The following TNIK variants were observed in gnomAD, a reference collection of about 807,000 sequenced individuals.
The protein encoded by TNIK is TRAF2 and NCK-interacting protein kinase.
In TNIK, 49 loss-of-function variants were observed where a neutral mutation model predicts 191.3. The observed-to-expected ratio is 0.26, with a 90% CI of 0.20 to 0.32. TNIK has a LOEUF of 0.32. Ranked by LOEUF, TNIK falls within the 10% of genes least tolerant of loss-of-function variation. The pLI, the probability that TNIK is intolerant of heterozygous loss-of-function variation, is 1.00. For missense variants in TNIK, 1,155 were observed against 1,702.3 expected (o/e 0.68, Z 5.66); for synonymous variants, 594 against 600.9 (o/e 0.99, Z 0.17).
chr3:171,340,108 T>G (rs986853721), intron 2 of TNIK, among the ~76,000 whole-genome samples: 1 of 152,178 alleles, frequency 6.6e-6, no homozygotes, highest in African/African-American at 2.4e-5. Context: ...ATAAAGAATA[T>G]TTGATGACAT....
chr3:171,299,539 TATG>T (rs1752677277), intron 2 of TNIK, among the ~76,000 whole-genome samples: 1 of 152,216 alleles, frequency 6.6e-6, no homozygotes, highest in African/African-American at 2.4e-5. Flanking sequence ...AGGTGACTTT[TATG>T]ATAACTATTT....
chr3:171,168,906 G>A (rs1011951119), intron 9 of TNIK, among the ~76,000 whole-genome samples: 4 of 152,194 alleles, frequency 2.6e-5, no homozygotes, highest in African/African-American at 9.7e-5. Flanking sequence ...CTGCAATATG[G>A]CCACCTTCAA....
chr3:171,251,858 C>T (rs1002725888), intron 2 of TNIK, among the ~76,000 whole-genome samples: 3 of 151,862 alleles, frequency 2.0e-5, no homozygotes, highest in African/African-American at 7.3e-5. Context: ...TCATTCTAAA[C>T]GGGTAAGGAA....
intron 2 of TNIK, among the ~76,000 whole-genome samples, chr3:171,276,065 T>A (rs1408439582): frequency 6.6e-6 from 1 of 152,078 alleles, no homozygotes; most frequent in African/African-American, 2.4e-5. Flanking sequence ...TCCCCTCCAC[T>A]CCATTCTCAA....
rs555668345 is a variant in TNIK, at chr3:171,126,978, A to G, written c.1774-827T>C. ...TGCCATAGCACTGCTCACACCTCAT[A>G]GTTAGTGCTTATCTAAGCGTGTCTC... is the stretch of plus-strand genomic sequence containing the variant. On this transcript the variant is annotated intron_variant, in intron 16 of 32. Coordinates refer to ENST00000436636, the MANE Select transcript of TNIK (RefSeq NM_015028.4). Among the ~76,000 whole-genome samples, 3 of 152,318 alleles carry G rather than the reference A, an allele frequency of 2.0e-5. No homozygotes were observed. The East Asian group carries it at 5.8e-4, about 29-fold the overall frequency.
chr3:171,459,391 G>A (rs1729161579), intron 1 of TNIK, among the ~76,000 whole-genome samples: 1 of 152,240 alleles, frequency 6.6e-6, no homozygotes, highest in Non-Finnish European at 1.5e-5. Flanking sequence ...CATAAATAAA[G>A]GTGAGTGGCA....
intron 4 of TNIK, 35 bp from the exon 5 acceptor site, chr3:171,194,670 G>C (rs1476369202): frequency 1.9e-6 from 3 of 1,588,262 alleles, no homozygotes; most frequent in African/African-American, 1.3e-5. Flanking sequence ...TTATTTTAAT[G>C]ATGCTTCACT....
At chr3:171,066,466 GA>G (rs1161891399) in intron 31 of TNIK, 109 bp downstream of exon 31, 1 of 1,149,036 alleles carries the variant, frequency 8.7e-7, no homozygotes, top group Non-Finnish European at 1.3e-6. Flanking sequence ...GTTATTCACA[GA>G]TTTTTTTTTT....
At chr3:171,351,902 C>T (rs898158223) in intron 2 of TNIK, among the ~76,000 whole-genome samples, 9 of 152,216 alleles carry the variant, frequency 5.9e-5, no homozygotes, top group Non-Finnish European at 1.0e-4. Flanking sequence ...TTCAGGCACC[C>T]TGCCCATCCT....
intron 1 of TNIK, among the ~76,000 whole-genome samples, chr3:171,413,862 G>A (rs1056088558): frequency 5.3e-5 from 8 of 152,100 alleles, no homozygotes. Context: ...TCTCCAAATC[G>A]TAGTTCCTTC....
At chr3:171,357,818 T>A (rs983116260) in intron 2 of TNIK, among the ~76,000 whole-genome samples, 1 of 152,166 alleles carries the variant, frequency 6.6e-6, no homozygotes, top group African/African-American at 2.4e-5. Flanking sequence ...ACAGACACCG[T>A]GTGCAGTGTG....
At chr3:171,284,386 A>C (rs898038535) in intron 2 of TNIK, among the ~76,000 whole-genome samples, 3 of 152,170 alleles carry the variant, frequency 2.0e-5, no homozygotes, top group African/African-American at 7.2e-5. Context: ...GCATTTTAAA[A>C]TGAGAAATCT....
intron 15 of TNIK, among the ~76,000 whole-genome samples, chr3:171,136,951 G>A (rs1305202701): frequency 6.6e-6 from 1 of 152,048 alleles, no homozygotes; most frequent in East Asian, 1.9e-4. Flanking sequence ...ACAGATGTAA[G>A]GGAAAGTGAT....
intron 27 of TNIK, among the ~76,000 whole-genome samples, chr3:171,080,691 G>A (rs1334670910): frequency 6.6e-6 from 1 of 151,876 alleles, no homozygotes; most frequent in East Asian, 1.9e-4. Flanking sequence ...CGCCCGCCTC[G>A]GCCTCTCCCA....
At chr3:171,117,345 T>C (rs539069002) in intron 18 of TNIK, among the ~76,000 whole-genome samples, 1 of 152,288 alleles carries the variant, frequency 6.6e-6, no homozygotes, top group South Asian at 2.1e-4. Context: ...AATGTAGACT[T>C]TGGTGCAAGG....
intron 1 of TNIK, among the ~76,000 whole-genome samples, chr3:171,431,616 A>G (rs1383704623): frequency 6.6e-6 from 1 of 152,120 alleles, no homozygotes; most frequent in East Asian, 1.9e-4. Flanking sequence ...TAGTACAGTA[A>G]CTTACTTCTC....
At chr3:171,098,208 A>AATACC (rs1164546966) in intron 22 of TNIK, among the ~76,000 whole-genome samples, 5 of 152,196 alleles carry the variant, frequency 3.3e-5, no homozygotes, top group Admixed American at 1.3e-4. Context: ...GGAAGACACT[A>AATACC]ATACCTAAGG....
intron 2 of TNIK, among the ~76,000 whole-genome samples, chr3:171,261,570 G>T (rs994200639): frequency 3.3e-5 from 5 of 152,178 alleles, no homozygotes; most frequent in African/African-American, 9.6e-5. Flanking sequence ...TATCATTTTT[G>T]ATAAAATCAA....
intron 18 of TNIK, among the ~76,000 whole-genome samples, chr3:171,120,476 A>C (rs1356437342): frequency 6.6e-6 from 1 of 151,766 alleles, no homozygotes; most frequent in Non-Finnish European, 1.5e-5. Flanking sequence ...GCCTGCCACC[A>C]TGCTCGACTA....
Sources: gnomAD v4.1 joint callset for allele counts (sites outside exome capture counted in the v4.1 genomes callset) on GRCh38, gnomAD v4.1.1 for gene constraint, MANE v1.5 for transcripts, NCBI Gene and HGNC (gene_info 2026-07-23, HGNC 2026-07-21) for gene names.